TPTE: variants seen among roughly 807,000 people sequenced by gnomAD.
TPTE encodes putative tyrosine-protein phosphatase TPTE.
Under a neutral mutation model 84.1 loss-of-function variants are expected in TPTE, and 59 were observed. That is an observed-to-expected ratio of 0.70 (90% confidence interval 0.57 to 0.87). The LOEUF (loss-of-function observed/expected upper bound fraction) is 0.87. Among genes scored for constraint, TPTE ranks in the 40% least tolerant of loss-of-function variants. The pLI is 0.00. For synonymous variants in TPTE, 130 were observed against 223.5 expected (o/e 0.58, Z 3.73); for missense variants, 382 against 659.6 (o/e 0.58, Z 4.61).
chr21:10,591,158 C>T (rs1354008605), intron 18 of TPTE, among the ~76,000 whole-genome samples: 3 of 152,300 alleles, frequency 2.0e-5, no homozygotes, highest in Middle Eastern at 3.2e-3. Context: ...TTAGTCAATA[C>T]ATGTGGAGTC....
intron 7 of TPTE, among the ~76,000 whole-genome samples, chr21:10,545,635 T>TACACACAC (rs3049867): frequency 0.013 from 1,913 of 150,450 alleles, no homozygotes; most frequent in East Asian, 0.12. Context: ...AGGATCTATC[T>TACACACAC]ACACACACAC....
At chr21:10,582,330 A>G (rs2075285910) in intron 17 of TPTE, among the ~76,000 whole-genome samples, 1 of 152,312 alleles carries the variant, frequency 6.6e-6, no homozygotes, top group Non-Finnish European at 1.5e-5. Context: ...AAGTTTCTAT[A>G]AATTTTCAAA....
At chr21:10,521,726 G>C (rs1415401323) in intron 1 of TPTE, 32 bp downstream of exon 1, 1 of 152,904 alleles carries the variant, frequency 6.5e-6, no homozygotes, top group Non-Finnish European at 1.5e-5. Context: ...TCCGGGCGGG[G>C]GTAGGGGTGG....
chr21:10,588,588 C>A (rs1386626796), intron 17 of TPTE, among the ~76,000 whole-genome samples: 1 of 152,430 alleles, frequency 6.6e-6, no homozygotes. Context: ...TCGAATTATT[C>A]CATCAAATAT....
intron 3 of TPTE, among the ~76,000 whole-genome samples, chr21:10,537,478 A>G (rs909336877): frequency 6.6e-6 from 1 of 152,310 alleles, no homozygotes; most frequent in Non-Finnish European, 1.5e-5. Context: ...GGAGATCGAC[A>G]CCATCCTGGC....
intron 3 of TPTE, among the ~76,000 whole-genome samples, chr21:10,532,051 T>C (rs1040709395): frequency 6.6e-6 from 1 of 152,310 alleles, no homozygotes; most frequent in Non-Finnish European, 1.5e-5. Flanking sequence ...CATGATTAGT[T>C]AAGTTATTAA....
intron 17 of TPTE, among the ~76,000 whole-genome samples, chr21:10,580,536 A>T (rs1166837649): frequency 1.9e-4 from 29 of 152,262 alleles, no homozygotes; most frequent in African/African-American, 6.5e-4. Context: ...ATATTGGGTG[A>T]GATAGGTTGC....
intron 4 of TPTE, among the ~76,000 whole-genome samples, chr21:10,539,966 GC>G (rs1222229202): frequency 2.0e-5 from 3 of 152,424 alleles, no homozygotes; most frequent in Non-Finnish European, 4.4e-5. Flanking sequence ...CCGAGATCAT[GC>G]CACTGCACTC....
At chr21:10,543,061 C>T (rs1358267945) in intron 6 of TPTE, among the ~76,000 whole-genome samples, 5 of 99,386 alleles carry the variant, frequency 5.0e-5, no homozygotes, top group Admixed American at 3.2e-4. Context: ...CTCGCTCTGT[C>T]GCCCAGGCCG....
intron 3 of TPTE, among the ~76,000 whole-genome samples, chr21:10,532,904 C>G (rs540847179): frequency 6.6e-6 from 1 of 152,422 alleles, no homozygotes; most frequent in African/African-American, 2.4e-5. Flanking sequence ...GTTGGTCTGT[C>G]CTTGTGCCCT....
chr21:10,586,751 T>G (rs1171578930), intron 17 of TPTE, among the ~76,000 whole-genome samples: 2 of 152,306 alleles, frequency 1.3e-5, no homozygotes, highest in Non-Finnish European at 1.5e-5. Flanking sequence ...TAATTTTTGT[T>G]TATGTTGAGC....
At chr21:10,540,660 C>T (rs756606335) in intron 4 of TPTE, 3,918 of 517,320 alleles carry the variant, frequency 7.6e-3, no homozygotes, top group African/African-American at 0.07. Flanking sequence ...CATACCCACT[C>T]TCACATGGGA....
At position 10,524,598 on chromosome 21, in the gene TPTE, C is replaced by T. The variant is rs1229355836; in HGVS notation, c.-192C>T. 6.6e-6 allele frequency: 1 copy of T among 152,630 alleles called. No individual in the cohort carries two copies. The highest frequency in any genetic ancestry group is 1.5e-5 in the Non-Finnish European group (1 of 68,284). The allele number at this position is 152,630 out of a possible 1,614,324, so 9.5% of individuals were successfully genotyped here. On this transcript the variant is annotated 5_prime_UTR_variant, in exon 2 of 24. Coordinates refer to ENST00000618007, the MANE Select transcript of TPTE (RefSeq NM_199261.4). ...CTCTTAGAGAATGTTGGACCGACGA[C>T]ACAAGACCTCAGACTTGTGTTATTC... is the stretch of plus-strand genomic sequence containing the variant.
Position 10,561,197 on chromosome 21 carries a change from T to C in TPTE, c.446+6T>C. On this transcript the variant is annotated splice_donor_region_variant and intron_variant, in intron 10 of 23. Transcript: ENST00000618007. ...CTTCGAGTATTTGTAGAAAGGTAAG[T>C]TTGATTATTTTTATAATGCATTAAG... The C allele has an allele frequency of 6.2e-7, 1 of 1,611,292 alleles. No individual in the cohort carries two copies. Among genetic ancestry groups the C allele is most frequent in the South Asian group, 1.1e-5 (1 of 90,844 alleles).
chr21:10,552,370 T>C (rs1400106426), intron 7 of TPTE, among the ~76,000 whole-genome samples: 2 of 152,294 alleles, frequency 1.3e-5, no homozygotes, highest in African/African-American at 2.4e-5. Context: ...TATATCCATA[T>C]ACATATTCTT....
intron 3 of TPTE, among the ~76,000 whole-genome samples, chr21:10,533,287 C>T (rs549422553): frequency 1.4e-4 from 22 of 152,418 alleles, no homozygotes; most frequent in Non-Finnish European, 2.9e-4. Context: ...TTAAGGCTTT[C>T]TCTTTTATTT....
chr21:10,596,632 T>G (rs201792241), intron 20 of TPTE, among the ~76,000 whole-genome samples: 2,240 of 151,094 alleles, frequency 0.015, no homozygotes, highest in East Asian at 0.14. Flanking sequence ...AGGATGTGTC[T>G]GTGTGGAAGG....
chr21:10,535,542 G>A (rs1304030070), intron 3 of TPTE, among the ~76,000 whole-genome samples: 5 of 152,306 alleles, frequency 3.3e-5, no homozygotes, highest in African/African-American at 9.6e-5. Context: ...AGTCATGAAA[G>A]GGATGCTTCT....
intron 18 of TPTE, 100 bp downstream of exon 18, chr21:10,590,623 G>A: frequency 6.4e-7 from 1 of 1,566,704 alleles, no homozygotes; most frequent in Middle Eastern, 1.7e-4. Context: ...TAGTCATGGT[G>A]CTTAGTAAAA....
Sources: allele counts gnomAD v4.1 joint callset (sites outside exome capture counted in the v4.1 genomes callset), GRCh38; gene constraint gnomAD v4.1.1; transcripts MANE v1.5; gene names NCBI Gene and HGNC (gene_info 2026-07-23, HGNC 2026-07-21).